The following NAV3 variants were observed in gnomAD, a reference collection of about 807,000 sequenced individuals.
The protein encoded by NAV3 is neuron navigator 3.
Under a neutral mutation model 244.7 loss-of-function variants are expected in NAV3, and 87 were observed. The observed-to-expected ratio is 0.36, with a 90% confidence interval of 0.30 to 0.42. The LOEUF is 0.42. Among genes scored for constraint, NAV3 ranks in the 20% least tolerant of loss-of-function variants. The pLI, the probability that NAV3 is intolerant of heterozygous loss-of-function variation, is 1.00. For synonymous variants in NAV3, 1,126 were observed against 1,042.2 expected (o/e 1.08, Z -1.55); for missense variants, 2,663 against 2,893.3 (o/e 0.92, Z 1.83).
At chr12:77,616,222 C>T (rs367941998) in intron 2 of NAV3, among the ~76,000 whole-genome samples, 42 of 152,030 alleles carry the variant, frequency 2.8e-4, no homozygotes, top group East Asian at 2.5e-3. Flanking sequence ...GACTGGCCAA[C>T]GTGGTGAAAC....
At chr12:78,002,392 A>G (rs1873458422) in intron 7 of NAV3, among the ~76,000 whole-genome samples, 1 of 152,188 alleles carries the variant, frequency 6.6e-6, no homozygotes, top group Admixed American at 6.5e-5. Flanking sequence ...CTCTTTGTCT[A>G]GATTCTAATC....
chr12:78,080,759 C>T (rs779497507), intron 12 of NAV3, among the ~76,000 whole-genome samples: 1 of 152,192 alleles, frequency 6.6e-6, no homozygotes, highest in Admixed American at 6.5e-5. Flanking sequence ...CTATTTGATG[C>T]TCTGTTTTGT....
At chr12:78,120,418 T>C (rs1268132387) in intron 15 of NAV3, among the ~76,000 whole-genome samples, 1 of 152,200 alleles carries the variant, frequency 6.6e-6, no homozygotes, top group Non-Finnish European at 1.5e-5. Flanking sequence ...GTTTTCCTTG[T>C]AACAGATTCC....
At chr12:77,852,321 A>G (rs12830621) in intron 1 of NAV3, among the ~76,000 whole-genome samples, 106,272 of 152,054 alleles carry the variant, frequency 0.7, 39,555 homozygotes, top group East Asian at 0.86. Context: ...GATAACCTGC[A>G]GTCAGGAATT....
At position 77,665,245 on chromosome 12, in the gene NAV3, A is replaced by G. The variant is rs575901524; in HGVS notation, c.72+92979A>G. ...GTTTGACTGAATTACTTGATCCCCTAAGCTCAGTCAAGGACATATCTATAT... is the reference window on the plus strand; with the variant it reads ...GTTTGACTGAATTACTTGATCCCCTGAGCTCAGTCAAGGACATATCTATAT... On this transcript the variant is annotated intron_variant, in intron 2 of 8. Transcript: ENST00000550042. Among the ~76,000 whole-genome samples, 41 of 152,306 alleles carry G rather than the reference A, an allele frequency of 2.7e-4. No homozygotes were observed. In the South Asian group the frequency reaches 7.9e-3, roughly 29 times the overall value.
chr12:77,825,270 G>A (rs1286033920), intron 2 of NAV3, among the ~76,000 whole-genome samples: 2 of 152,014 alleles, frequency 1.3e-5, no homozygotes, highest in African/African-American at 2.4e-5. Flanking sequence ...TTGCATCTAA[G>A]CAAAGGAAAG....
chr12:78,098,785 A>G (rs1220881026), intron 12 of NAV3, among the ~76,000 whole-genome samples: 1 of 151,874 alleles, frequency 6.6e-6, no homozygotes, highest in Non-Finnish European at 1.5e-5. Context: ...AAAATACACA[A>G]AGGACATTGA....
intron 5 of NAV3, among the ~76,000 whole-genome samples, chr12:77,974,423 A>G (rs1893279618): frequency 6.6e-6 from 1 of 151,292 alleles, no homozygotes; most frequent in Admixed American, 6.6e-5. Context: ...CTGGGATTAC[A>G]GGTGCCCACC....
In NAV3 at chr12:78,199,462, T is replaced by A; in HGVS notation, c.6646T>A (p.Trp2216Arg). 1 of 1,610,556 alleles carries A rather than the reference T, an allele frequency of 6.2e-7. No homozygotes were observed. ...RNNDLVKIID[W>R]IPKTWHHLNS... Reference sequence around the variant, plus strand: ...TAATGACCTAGTCAAAATTATAGATTGGATTCCGAAGACGTGGCATCATCT... The same window carrying A: ...TAATGACCTAGTCAAAATTATAGATAGGATTCCGAAGACGTGGCATCATCT... The change falls in exon 37 of 40, where the codon TGG (tryptophan) becomes AGG (arginine). Residue 2216 changes from tryptophan to arginine, a missense_variant. Physicochemically the swap from Trp to Arg is moderately radical, Grantham distance 101. Around this residue, in one of 6 missense-constraint regions of NAV3, gnomAD observed 543 missense variants for 672.4 expected, o/e 0.81. Coordinates refer to ENST00000397909, the MANE Select transcript of NAV3 (RefSeq NM_001024383.2).
chr12:77,900,047 C>G (rs892275299), intron 1 of NAV3, among the ~76,000 whole-genome samples: 4 of 150,332 alleles, frequency 2.7e-5, no homozygotes, highest in Non-Finnish European at 4.4e-5. Flanking sequence ...TCTCCTCTCT[C>G]TAGTGGTCCT....
intron 19 of NAV3, 93 bp from the exon 20 acceptor site, chr12:78,140,189 C>G: frequency 9.7e-7 from 1 of 1,031,976 alleles, no homozygotes; most frequent in Non-Finnish European, 1.5e-6. Flanking sequence ...ACTTAATTTC[C>G]CTAACCACCC....
chr12:77,976,405 C>T lies in NAV3; in HGVS notation c.671+7703C>T, dbSNP rs140806290. On this transcript the variant is annotated intron_variant, in intron 5 of 39. Transcript: ENST00000397909. ...CTGAGGCCTTGGATCAGGAGCTTACCAATATTTAGAGATCAAGGAGATGGC... is the reference window on the plus strand; with the variant it reads ...CTGAGGCCTTGGATCAGGAGCTTACTAATATTTAGAGATCAAGGAGATGGC... Among the ~76,000 whole-genome samples the T allele has an allele frequency of 6.8e-4, 103 of 152,016 alleles. No individual in the cohort carries two copies. In the Middle Eastern group the frequency reaches 0.024, roughly 35 times the overall value.
chr12:77,893,304 C>G (rs968078461), intron 1 of NAV3, among the ~76,000 whole-genome samples: 1 of 152,012 alleles, frequency 6.6e-6, no homozygotes, highest in Non-Finnish European at 1.5e-5. Flanking sequence ...CAAAGCAAAC[C>G]ATTTCTTTGA....
At chr12:77,722,044 C>T (rs1345474751) in intron 2 of NAV3, among the ~76,000 whole-genome samples, 1 of 151,986 alleles carries the variant, frequency 6.6e-6, no homozygotes, top group African/African-American at 2.4e-5. Context: ...CCATGTGTTT[C>T]AATGGAACTG....
At chr12:77,584,976 C>A (rs1053486021) in intron 2 of NAV3, among the ~76,000 whole-genome samples, 9 of 152,126 alleles carry the variant, frequency 5.9e-5, no homozygotes, top group African/African-American at 1.9e-4. Context: ...TTGAAGAATG[C>A]CTGACGGATG....
rs185692866 is a variant in NAV3 at position 78,112,554 on chromosome 12, A to G, written c.2637-4218A>G. On this transcript the variant is annotated intron_variant, in intron 12 of 39. Coordinates refer to ENST00000397909, the MANE Select transcript of NAV3 (RefSeq NM_001024383.2). ...AGGAAGGATAATGAGTAAAAGGGGG[A>G]AAAACCCCTTATAAAACTATCAAAT... Among the ~76,000 whole-genome samples the G allele has an allele frequency of 1.2e-4, 18 of 152,202 alleles. No individual in the cohort carries two copies. The East Asian group carries it at 3.5e-3, about 29-fold the overall frequency.
chr12:77,936,610 A>G lies in NAV3; in HGVS notation c.244-3709A>G, dbSNP rs931252343. Reference sequence around the variant, plus strand: ...ATAGCATAAGCCTGCAAAATACATTACTGCACATTTTGTAACTCATTCAGC... The same window carrying G: ...ATAGCATAAGCCTGCAAAATACATTGCTGCACATTTTGTAACTCATTCAGC... On this transcript the variant is annotated intron_variant, in intron 1 of 39. Coordinates refer to ENST00000397909, the MANE Select transcript of NAV3 (RefSeq NM_001024383.2). 1.8e-4 allele frequency among the ~76,000 whole-genome samples: 27 copies of G among 152,208 alleles called. 1 individual carries two copies. Among genetic ancestry groups the G allele is most frequent in the Admixed American group, 1.4e-3 (21 of 15,276 alleles).
chr12:77,649,625 C>G (rs184276053), intron 2 of NAV3, among the ~76,000 whole-genome samples: 2 of 152,160 alleles, frequency 1.3e-5, no homozygotes, highest in Admixed American at 6.5e-5. Flanking sequence ...TTCATGTTTA[C>G]TGTAACATTA....
intron 2 of NAV3, among the ~76,000 whole-genome samples, chr12:77,660,332 T>C (rs536052040): frequency 4.6e-5 from 7 of 152,284 alleles, no homozygotes; most frequent in Non-Finnish European, 7.4e-5. Flanking sequence ...ATCAAATTTG[T>C]TTTATCTCAG....
Sources: allele counts gnomAD v4.1 joint callset (sites outside exome capture counted in the v4.1 genomes callset), GRCh38; gene constraint gnomAD v4.1.1; regional missense constraint gnomAD v4.1.1; transcripts MANE v1.5; gene names NCBI Gene and HGNC (gene_info 2026-07-23, HGNC 2026-07-21).